The following TMCC1 variants were observed in gnomAD, a reference collection of about 807,000 sequenced individuals.
The protein encoded by TMCC1 is transmembrane and coiled-coil domains protein 1.
TMCC1 carries 15 observed loss-of-function variants against 52.4 expected under a neutral mutation model. The ratio of observed to expected loss-of-function variants is 0.29; its 90% CI spans 0.19 to 0.44. TMCC1 has a LOEUF of 0.44. Ranked by LOEUF, TMCC1 falls within the 20% of genes least tolerant of loss-of-function variation. TMCC1 has a pLI of 1.00. For synonymous variants in TMCC1, 279 were observed against 301.9 expected (o/e 0.92, Z 0.79); for missense variants, 503 against 806.0 (o/e 0.62, Z 4.55).
intron 4 of TMCC1, among the ~76,000 whole-genome samples, chr3:129,736,326 C>T (rs945500790): frequency 2.0e-5 from 3 of 152,196 alleles, no homozygotes; most frequent in African/African-American, 7.2e-5. Context: ...GAATGCTACA[C>T]TGTAGAGTCA....
chr3:129,848,305 T>C (rs534472929), intron 2 of TMCC1: 2 of 152,342 alleles, frequency 1.3e-5, no homozygotes, highest in Middle Eastern at 3.4e-3. Context: ...TGGTTTTAGC[T>C]CTTCAAGTTA....
chr3:129,803,612 C>T (rs1481756898), intron 4 of TMCC1, among the ~76,000 whole-genome samples: 2 of 152,162 alleles, frequency 1.3e-5, no homozygotes, highest in Non-Finnish European at 2.9e-5. Flanking sequence ...CTTTCCTTTT[C>T]TTGCCTTTAG....
At chr3:129,830,858 A>C (rs1468787279) in intron 3 of TMCC1, among the ~76,000 whole-genome samples, 1 of 152,200 alleles carries the variant, frequency 6.6e-6, no homozygotes, top group African/African-American at 2.4e-5. Flanking sequence ...TGCCTATTTA[A>C]AAAATAGAGA....
chr3:129,839,567 C>T (rs1185984570), intron 2 of TMCC1, among the ~76,000 whole-genome samples: 2 of 152,072 alleles, frequency 1.3e-5, no homozygotes, highest in African/African-American at 4.8e-5. Context: ...CCAGCCTAGG[C>T]AACACGGCAA....
At chr3:129,835,881 CAT>C (rs2059136815) in intron 2 of TMCC1, among the ~76,000 whole-genome samples, 1 of 152,130 alleles carries the variant, frequency 6.6e-6, no homozygotes. Flanking sequence ...ACAAATAAAA[CAT>C]ATTTAAGCAG....
chr3:129,744,265 T>C (rs1246085597), intron 4 of TMCC1, among the ~76,000 whole-genome samples: 8 of 152,248 alleles, frequency 5.3e-5, no homozygotes, highest in African/African-American at 1.9e-4. Flanking sequence ...TCGTAGTTTT[T>C]AGAAACCTCA....
chr3:129,707,672 G>A (rs1165686467), intron 4 of TMCC1, among the ~76,000 whole-genome samples: 2 of 152,120 alleles, frequency 1.3e-5, no homozygotes, highest in African/African-American at 2.4e-5. Flanking sequence ...GGTGGCTCAC[G>A]CCTGTAATCC....
chr3:129,889,336 GA>G lies in TMCC1; in HGVS notation c.-435+4157del, dbSNP rs562504176. Among the ~76,000 whole-genome samples the G allele has an allele frequency of 4.6e-3, 693 of 152,230 alleles. 8 individuals are homozygous for G. The highest frequency in any genetic ancestry group is 0.016 in the African/African-American group (659 of 41,526). On this transcript the variant is annotated intron_variant, in intron 1 of 6. Transcript: ENST00000393238. Reference sequence around the variant, plus strand: ...AACTGCCAAGGTCACTAAATACAGGGAAAGTCTGAGAAATTGTCACAACCAA... The same window carrying G: ...AACTGCCAAGGTCACTAAATACAGGGAAGTCTGAGAAATTGTCACAACCAA...
At chr3:129,691,858 T>C (rs2047051279) in intron 4 of TMCC1, among the ~76,000 whole-genome samples, 1 of 152,224 alleles carries the variant, frequency 6.6e-6, no homozygotes, top group Non-Finnish European at 1.5e-5. Flanking sequence ...TAGATTATAA[T>C]GTCTCCTAAA....
rs186527048 is a variant in TMCC1, at chr3:129,648,009, C to T, written c.*3472G>A. 5 of 152,736 alleles carry T rather than the reference C, an allele frequency of 3.3e-5. No individual in the cohort carries two copies. Among genetic ancestry groups the T allele is most frequent in the African/African-American group, 4.8e-5 (2 of 41,564 alleles). 9.5% of individuals were successfully genotyped at this position (152,736 alleles called of 1,614,324 possible). The stretch of plus-strand genomic sequence containing the variant: ...TATTCTTACACACTTTGATAAAACA[C>T]ACAGTCTAGTAGTCAATCCCTACTG... On this transcript the variant is annotated 3_prime_UTR_variant, in exon 7 of 7. Coordinates refer to ENST00000393238, the MANE Select transcript of TMCC1 (RefSeq NM_001017395.5).
intron 4 of TMCC1, among the ~76,000 whole-genome samples, chr3:129,743,816 C>T (rs146220705): frequency 7.6e-4 from 115 of 152,118 alleles, no homozygotes; most frequent in Non-Finnish European, 1.3e-3. Flanking sequence ...GAAGTCACAA[C>T]GTGCTTGATA....
rs144505416 is a variant in TMCC1 at position 129,802,930 on chromosome 3, C to T, written c.576+24873G>A. Among the ~76,000 whole-genome samples the T allele has an allele frequency of 1.8e-4, 27 of 152,298 alleles. No homozygotes were observed. In the East Asian group the frequency reaches 4.8e-3, roughly 27 times the overall value. On this transcript the variant is annotated intron_variant, in intron 4 of 6. Coordinates refer to ENST00000393238, the MANE Select transcript of TMCC1 (RefSeq NM_001017395.5). Reference sequence around the variant, plus strand: ...GGTAATTTAAAAAGAAATTTATTTACAGTTCTGGAGGTTGGGAAATCCAAG... The same window carrying T: ...GGTAATTTAAAAAGAAATTTATTTATAGTTCTGGAGGTTGGGAAATCCAAG...
chr3:129,793,477 C>G (rs1041216717), intron 4 of TMCC1, among the ~76,000 whole-genome samples: 2 of 152,146 alleles, frequency 1.3e-5, no homozygotes, highest in African/African-American at 4.8e-5. Context: ...CTTCTGTATT[C>G]AGGGAATGAA....
At chr3:129,822,718 C>T (rs2058478240) in intron 4 of TMCC1, among the ~76,000 whole-genome samples, 1 of 152,166 alleles carries the variant, frequency 6.6e-6, no homozygotes, top group Non-Finnish European at 1.5e-5. Context: ...GTCCTGGTAT[C>T]ACTCATAATT....
rs2058754472 is a variant in TMCC1 at position 129,828,474 on chromosome 3, C to T, written c.-96G>A. 1.4e-5 allele frequency: 17 copies of T among 1,184,682 alleles called. No individual in the cohort carries two copies. Among genetic ancestry groups the T allele is most frequent in the East Asian group, 2.4e-5 (1 of 42,336 alleles). The allele number at this position is 1,184,682 out of a possible 1,614,324, so 73.4% of individuals were successfully genotyped here. A position where few individuals can be genotyped will look rare whatever the true frequency, so the allele number is the denominator to read the frequency against. ...TAGGCATTTGCTTCAACAGTGACTA[C>T]GCATGCAGCTGTGAGACGAAGGCTT... On this transcript the variant is annotated 5_prime_UTR_variant, in exon 4 of 7. Coordinates refer to ENST00000393238, the MANE Select transcript of TMCC1 (RefSeq NM_001017395.5). The surrounding 1 kb of genome is among the most constrained non-coding windows in gnomAD (Gnocchi z 4.1).
At chr3:129,861,130 A>C (rs977869855) in intron 2 of TMCC1, 2 of 152,222 alleles carry the variant, frequency 1.3e-5, no homozygotes, top group African/African-American at 4.8e-5. Context: ...GAAACACAAA[A>C]TAATTATTAA....
intron 4 of TMCC1, among the ~76,000 whole-genome samples, chr3:129,794,046 C>A (rs765315117): frequency 1.7e-4 from 26 of 152,212 alleles, no homozygotes; most frequent in Non-Finnish European, 3.7e-4. Context: ...CTTTCACACA[C>A]ACCCTTCTGG....
At chr3:129,882,876 G>A (rs1445289311) in intron 1 of TMCC1, among the ~76,000 whole-genome samples, 1 of 152,124 alleles carries the variant, frequency 6.6e-6, no homozygotes, top group Non-Finnish European at 1.5e-5. Flanking sequence ...GGGGGTCTGG[G>A]GAGTTAGTGT....
At chr3:129,690,156 C>T (rs2046920251) in intron 4 of TMCC1, among the ~76,000 whole-genome samples, 1 of 152,118 alleles carries the variant, frequency 6.6e-6, no homozygotes, top group Non-Finnish European at 1.5e-5. Flanking sequence ...AATATATGTA[C>T]AAGTATTTTG....
Sources: allele counts gnomAD v4.1 joint callset (sites outside exome capture counted in the v4.1 genomes callset), GRCh38; gene constraint gnomAD v4.1.1; non-coding constraint Gnocchi (gnomAD v3.1); transcripts MANE v1.5; gene names NCBI Gene and HGNC (gene_info 2026-07-23, HGNC 2026-07-21).